The following NBEAL1 variants were observed in gnomAD, a reference collection of about 807,000 sequenced individuals.
NBEAL1 encodes the protein neurobeachin like 1.
Under a neutral mutation model 351.3 loss-of-function variants are expected in NBEAL1, and 273 were observed. The ratio of observed to expected loss-of-function variants is 0.78; its 90% CI spans 0.70 to 0.86. The LOEUF is 0.86. Ranked by LOEUF, NBEAL1 falls within the 40% of genes least tolerant of loss-of-function variation. NBEAL1 has a pLI of 0.00. For synonymous variants in NBEAL1, 1,050 were observed against 1,086.4 expected (o/e 0.97, Z 0.66); for missense variants, 2,961 against 3,201.3 (o/e 0.92, Z 1.81).
Position 203,190,275 on chromosome 2 carries a change from ACTT to A in NBEAL1, c.6824-11_6824-9del, listed in dbSNP as rs753211926. 67 of 1,580,928 alleles carry A rather than the reference ACTT, an allele frequency of 4.2e-5. No individual in the cohort carries two copies. The highest frequency in any genetic ancestry group is 5.5e-5 in the Non-Finnish European group (64 of 1,160,254). ...TTTGTTTTCACTCTATAGTAAGTTG[ACTT>A]CTTCTGGTTTTAGGAGCTGTGGATC... On this transcript the variant is annotated splice_polypyrimidine_tract_variant and intron_variant, in intron 45 of 55. Transcript: ENST00000683969.
At chr2:203,168,861 T>A (rs368024869) in intron 38 of NBEAL1, among the ~76,000 whole-genome samples, 1 of 130,542 alleles carries the variant, frequency 7.7e-6, no homozygotes, top group African/African-American at 2.9e-5. Context: ...GCCAGTGCAC[T>A]CTAGCCTGGG....
intron 11 of NBEAL1, among the ~76,000 whole-genome samples, chr2:203,098,796 A>C (rs2062241276): frequency 6.6e-6 from 1 of 152,150 alleles, no homozygotes; most frequent in Non-Finnish European, 1.5e-5. Flanking sequence ...TTTCCATTTA[A>C]TATAAAAATA....
rs1446217115 is a variant in NBEAL1, at chr2:203,149,029, A to G, written c.5343A>G (p.Gln1781=). 3 of 1,610,998 alleles carry G rather than the reference A, an allele frequency of 1.9e-6. No individual in the cohort carries two copies. The highest frequency in any genetic ancestry group is 1.7e-4 in the Middle Eastern group (1 of 6,050). Residue 1781 remains glutamine (Q), a synonymous_variant, in exon 34 of 56, where the codon CAA becomes CAG. Coordinates refer to ENST00000683969, the MANE Select transcript of NBEAL1 (RefSeq NM_001378026.1). ...AGCCATTTAATCGAAAAGCACGCCA[A>G]GAGAACCTGAGGTATAATAATATGC... is the stretch of plus-strand genomic sequence containing the variant. ...FVEPFNRKAR[Q]ENLRYNNMLK... is the part of the protein sequence containing the mutation.
chr2:203,147,889 C>T (rs541768850), intron 33 of NBEAL1, among the ~76,000 whole-genome samples: 2 of 152,042 alleles, frequency 1.3e-5, no homozygotes, highest in South Asian at 4.1e-4. Context: ...AGAAGTTCTA[C>T]CAGTTTGTAT....
chr2:203,051,323 G>T (rs994638444), intron 4 of NBEAL1, among the ~76,000 whole-genome samples: 3 of 151,996 alleles, frequency 2.0e-5, no homozygotes, highest in African/African-American at 7.3e-5. Context: ...GAGGTGGATC[G>T]CTTGAGGTCA....
At chr2:203,213,260 T>C (rs1271939876) in intron 54 of NBEAL1, among the ~76,000 whole-genome samples, 1 of 152,204 alleles carries the variant, frequency 6.6e-6, no homozygotes, top group Non-Finnish European at 1.5e-5. Context: ...GTTGCTTTAT[T>C]AATATTTTGT....
At chr2:203,131,141 T>C (rs1298400569) in intron 25 of NBEAL1, among the ~76,000 whole-genome samples, 5 of 152,252 alleles carry the variant, frequency 3.3e-5, no homozygotes, top group Admixed American at 6.5e-5. Flanking sequence ...TAATTTGCCA[T>C]GTAATTAAAC....
Position 203,107,615 on chromosome 2 carries a change from A to G in NBEAL1, c.1376A>G (p.Glu459Gly), listed in dbSNP as rs1344345552. The G allele has an allele frequency of 6.4e-6, 10 of 1,551,428 alleles. No individual in the cohort carries two copies. Among genetic ancestry groups the G allele is most frequent in the Non-Finnish European group, 8.7e-6 (10 of 1,146,706 alleles). Residue 459 changes from glutamate (E) to glycine (G), a missense_variant, in exon 14 of 56, where the codon GAG becomes GGG. Transcript: ENST00000683969. The part of the protein sequence containing the change: ...LLKELMNMAV[E>G]GDHTSVGILG... The stretch of plus-strand genomic sequence containing the variant: ...TTTTATGTTGCTTTTCAGGCTGTAG[A>G]GGGTGACCACACTTCAGTTGGGATT...
intron 19 of NBEAL1, 41 bp from the exon 20 acceptor site, chr2:203,125,311 C>A: frequency 7.6e-7 from 1 of 1,323,618 alleles, no homozygotes; most frequent in Non-Finnish European, 1.0e-6. Context: ...ACAAAATTGT[C>A]CTCCTTTTAT....
At chr2:203,146,976 A>G (rs971148387) in intron 33 of NBEAL1, among the ~76,000 whole-genome samples, 1 of 152,124 alleles carries the variant, frequency 6.6e-6, no homozygotes, top group African/African-American at 2.4e-5. Context: ...AAAACTAAAC[A>G]TCCATTTGTA....
chr2:203,063,034 A>T (rs2061524979), intron 6 of NBEAL1, among the ~76,000 whole-genome samples: 1 of 152,236 alleles, frequency 6.6e-6, no homozygotes, highest in Non-Finnish European at 1.5e-5. Context: ...CCAAATACAG[A>T]GCCATGTAAA....
intron 6 of NBEAL1, among the ~76,000 whole-genome samples, chr2:203,060,185 T>C (rs2061475624): frequency 6.6e-6 from 1 of 152,148 alleles, no homozygotes; most frequent in Admixed American, 6.5e-5. Context: ...TCTTTAATAA[T>C]AAGAGCAAAA....
intron 8 of NBEAL1, among the ~76,000 whole-genome samples, chr2:203,081,016 C>G (rs537166538): frequency 2.6e-5 from 4 of 152,252 alleles, no homozygotes; most frequent in African/African-American, 9.6e-5. Context: ...AAACCTAACA[C>G]TAAAATCAAG....
intron 49 of NBEAL1, 150 bp downstream of exon 49, chr2:203,199,597 A>G (rs1003721128): frequency 4.0e-6 from 2 of 502,076 alleles, no homozygotes; most frequent in Non-Finnish European, 7.0e-6. Context: ...CAGTGGCGCA[A>G]TCCCCACTCA....
chr2:203,110,572 G>A (rs1188848876), intron 15 of NBEAL1, among the ~76,000 whole-genome samples: 3 of 151,346 alleles, frequency 2.0e-5, no homozygotes, highest in Non-Finnish European at 4.4e-5. Flanking sequence ...CACTTGGGAG[G>A]CTGAGTTGGG....
intron 48 of NBEAL1, among the ~76,000 whole-genome samples, chr2:203,197,671 GC>G (rs1354744331): frequency 1.3e-5 from 2 of 152,156 alleles, no homozygotes; most frequent in African/African-American, 4.8e-5. Flanking sequence ...ACTTTGGGAG[GC>G]CAAGGCAGGT....
At chr2:203,207,232 C>G (rs550526590) in intron 51 of NBEAL1, among the ~76,000 whole-genome samples, 27 of 151,808 alleles carry the variant, frequency 1.8e-4, no homozygotes, top group African/African-American at 3.6e-4. Context: ...GCAGCCACCC[C>G]ATCTGGGAAG....
chr2:203,210,889 A>T, intron 53 of NBEAL1, 69 bp from the exon 54 acceptor site: 4 of 855,292 alleles, frequency 4.7e-6, no homozygotes, highest in Non-Finnish European at 7.0e-6. Context: ...TTATAGTCAG[A>T]GTTTTAACTG....
intron 18 of NBEAL1, among the ~76,000 whole-genome samples, chr2:203,118,522 G>A (rs2062750727): frequency 6.6e-6 from 1 of 151,752 alleles, no homozygotes; most frequent in South Asian, 2.1e-4. Flanking sequence ...ATATAGCATA[G>A]ATAGCTAAGA....
Sources: gnomAD v4.1 joint callset for allele counts (sites outside exome capture counted in the v4.1 genomes callset) on GRCh38, gnomAD v4.1.1 for gene constraint, MANE v1.5 for transcripts, NCBI Gene and HGNC (gene_info 2026-07-23, HGNC 2026-07-21) for gene names.